The following CRB1 variants were observed in gnomAD, a reference collection of about 807,000 sequenced individuals.
The protein encoded by CRB1 is crumbs cell polarity complex component 1.
A neutral mutation model predicts 120.0 loss-of-function variants in CRB1; 83 were observed. The observed-to-expected ratio is 0.69, with a 90% CI of 0.58 to 0.83. The LOEUF (loss-of-function observed/expected upper bound fraction) is 0.83, where lower values mean the gene tolerates loss of function less well. Among genes scored for constraint, CRB1 ranks in the 40% least tolerant of loss-of-function variants. The pLI, the probability that CRB1 is intolerant of heterozygous loss-of-function variation, is 0.00. For missense variants in CRB1, 1,699 were observed against 1,687.6 expected, an observed-to-expected ratio of 1.01 and a Z score of -0.12; for synonymous variants, 625 against 612.5, an observed-to-expected ratio of 1.02 and a Z score of -0.30.
the CRB1 span, chr1:197,222,659 C>T: frequency 1.3e-6 from 1 of 780,588 alleles, no homozygotes; most frequent in Non-Finnish European, 2.4e-6. Context: ...TTTCAGTCAC[C>T]TTAGGACAGC....
intron 11 of CRB1, 32 bp from the exon 12 acceptor site, chr1:197,477,632 A>G (rs1310019623): frequency 6.3e-7 from 1 of 1,599,262 alleles, no homozygotes; most frequent in Admixed American, 1.7e-5. Context: ...TTTGCTATAG[A>G]ATTCGCATCC....
chr1:197,463,795 C>G (rs1348610117), intron 11 of CRB1, among the ~76,000 whole-genome samples: 1 of 152,106 alleles, frequency 6.6e-6, no homozygotes, highest in Admixed American at 6.6e-5. Context: ...CCTTTTAGTT[C>G]TAACGTATTT....
At chr1:197,320,449 T>C (rs986675874) in intron 1 of CRB1, among the ~76,000 whole-genome samples, 5 of 152,300 alleles carry the variant, frequency 3.3e-5, no homozygotes, top group Admixed American at 6.5e-5. Flanking sequence ...ATTTATTAAA[T>C]TTTAGTATCA....
chr1:197,310,733 C>G (rs1657466695), intron 1 of CRB1, among the ~76,000 whole-genome samples: 1 of 151,932 alleles, frequency 6.6e-6, no homozygotes, highest in Non-Finnish European at 1.5e-5. Context: ...ACCTGATAAC[C>G]ATATTTGCAT....
intron 11 of CRB1, among the ~76,000 whole-genome samples, chr1:197,472,052 C>T (rs1210267211): frequency 6.6e-6 from 1 of 152,178 alleles, no homozygotes; most frequent in Non-Finnish European, 1.5e-5. Context: ...AATAATTTTT[C>T]CATGAATCAC....
the CRB1 span, among the ~76,000 whole-genome samples, chr1:197,223,900 G>T: frequency 6.6e-6 from 1 of 152,056 alleles, no homozygotes; most frequent in South Asian, 2.1e-4. Flanking sequence ...TAGCCTTGTG[G>T]AGTATAGATG....
At chr1:197,320,217 C>T (rs1038408656) in intron 1 of CRB1, among the ~76,000 whole-genome samples, 1 of 152,174 alleles carries the variant, frequency 6.6e-6, no homozygotes, top group Non-Finnish European at 1.5e-5. Context: ...AGTGTGTTCA[C>T]TCTGACATAG....
chr1:197,264,871 C>T (rs1440946281), upstream of CRB1, among the ~76,000 whole-genome samples: 3 of 151,684 alleles, frequency 2.0e-5, no homozygotes, highest in African/African-American at 7.3e-5. Context: ...GTGATCCACC[C>T]GCCTCAGCCT....
the CRB1 span, among the ~76,000 whole-genome samples, chr1:197,249,152 C>T: frequency 6.6e-6 from 1 of 151,852 alleles, no homozygotes; most frequent in South Asian, 2.1e-4. Flanking sequence ...TCATTTTTCA[C>T]ATTGCTTTTT....
At chr1:197,339,051 A>G (rs1472490473) in intron 2 of CRB1, among the ~76,000 whole-genome samples, 1 of 152,226 alleles carries the variant, frequency 6.6e-6, no homozygotes, top group Non-Finnish European at 1.5e-5. Flanking sequence ...CTTTAAGTGA[A>G]TGATTCAAAA....
chr1:197,386,297 C>T (rs1662214437), intron 5 of CRB1, among the ~76,000 whole-genome samples: 1 of 152,122 alleles, frequency 6.6e-6, no homozygotes. Flanking sequence ...AACACCCTGG[C>T]ACATAGTAAG....
At chr1:197,217,424 G>A in the CRB1 span, among the ~76,000 whole-genome samples, 1 of 152,110 alleles carries the variant, frequency 6.6e-6, no homozygotes, top group Non-Finnish European at 1.5e-5. Flanking sequence ...CAATGCAAAT[G>A]TCCATCAACT....
intron 11 of CRB1, among the ~76,000 whole-genome samples, chr1:197,458,244 G>T (rs757515433): frequency 4.6e-5 from 7 of 152,048 alleles, no homozygotes; most frequent in Admixed American, 1.3e-4. Flanking sequence ...ATCCAGGAAA[G>T]AGCTAGTAGA....
intron 5 of CRB1, among the ~76,000 whole-genome samples, chr1:197,369,052 A>C (rs772572543): frequency 8.6e-4 from 131 of 152,116 alleles, no homozygotes; most frequent in Non-Finnish European, 9.1e-4. Context: ...GGTTGAGGAT[A>C]TTGGGAGTTG....
At chr1:197,265,483 G>T (rs1458517899), upstream of CRB1, among the ~76,000 whole-genome samples, 1 of 148,682 alleles carries the variant, frequency 6.7e-6, no homozygotes, top group Non-Finnish European at 1.5e-5. Context: ...GTCAAGAATT[G>T]TCTACCTCAA....
At chr1:197,221,695 T>C in the CRB1 span, among the ~76,000 whole-genome samples, 4 of 152,138 alleles carry the variant, frequency 2.6e-5, no homozygotes, top group African/African-American at 9.7e-5. Flanking sequence ...AAGAGGACTT[T>C]AGTTAAAAAA....
chr1:197,283,388 C>G (rs994893774), intron 1 of CRB1, among the ~76,000 whole-genome samples: 5 of 151,718 alleles, frequency 3.3e-5, no homozygotes, highest in Non-Finnish European at 5.9e-5. Context: ...TATCCCGCAT[C>G]CCCCTCCCGC....
At chr1:197,374,589 G>C (rs1661546528) in intron 5 of CRB1, among the ~76,000 whole-genome samples, 1 of 152,132 alleles carries the variant, frequency 6.6e-6, no homozygotes, top group Non-Finnish European at 1.5e-5. Flanking sequence ...GGAATAGGGA[G>C]GGGGAGGAAT....
chr1:197,253,808 A>G, the CRB1 span, among the ~76,000 whole-genome samples: 5 of 152,040 alleles, frequency 3.3e-5, no homozygotes, highest in African/African-American at 1.2e-4. Flanking sequence ...TTCATTTGCC[A>G]AAAACTATCA....
Sources: gnomAD v4.1 joint callset for allele counts (sites outside exome capture counted in the v4.1 genomes callset) on GRCh38, gnomAD v4.1.1 for gene constraint, MANE v1.5 for transcripts, NCBI Gene and HGNC (gene_info 2026-07-23, HGNC 2026-07-21) for gene names.